The following ELN variants were observed in gnomAD, a reference collection of about 807,000 sequenced individuals.
ELN encodes the protein tropoelastin.
Under a neutral mutation model 105.8 loss-of-function variants are expected in ELN, and 65 were observed. The ratio of observed to expected loss-of-function variants is 0.61; its 90% CI spans 0.50 to 0.75. The LOEUF is 0.75. Ranked by LOEUF, ELN falls within the 30% of genes least tolerant of loss-of-function variation. The pLI is 0.00. For synonymous variants in ELN, 368 were observed against 389.2 expected, an observed-to-expected ratio of 0.95 and a Z score of 0.64; for missense variants, 882 against 969.4, an observed-to-expected ratio of 0.91 and a Z score of 1.20.
intron 12 of ELN, among the ~76,000 whole-genome samples, chr7:74,047,018 A>T (rs782331491): frequency 5.3e-5 from 8 of 152,180 alleles, no homozygotes; most frequent in Non-Finnish European, 8.8e-5. Context: ...CAGAAGGCAG[A>T]GGTTGCAGTG....
chr7:74,045,351 C>T, intron 10 of ELN, 58 bp downstream of exon 10: 1 of 1,599,028 alleles, frequency 6.3e-7, no homozygotes, highest in Non-Finnish European at 8.5e-7. Flanking sequence ...ACCTTCTGGC[C>T]CCGGGTGTGA....
At position 74,056,423 on chromosome 7, in the gene ELN, G is replaced by A. The variant is rs782258150; in HGVS notation, c.1303G>A (p.Val435Ile). 2.0e-5 allele frequency: 32 copies of A among 1,613,704 alleles called. No individual in the cohort carries two copies. Among genetic ancestry groups the A allele is most frequent in the Non-Finnish European group, 2.7e-5 (32 of 1,179,830 alleles). Residue 435 changes from valine (V) to isoleucine (I), a missense_variant, in exon 20 of 33, where the codon GTT (valine) becomes ATT (isoleucine). Val to Ile is a conservative substitution (Grantham distance 29). Coordinates refer to ENST00000252034, the MANE Select transcript of ELN (RefSeq NM_000501.4). ...TCCCGGAGTCGGAGGTGTCCCGGGA[G>A]TTGGCATTTCCCGTGAGCCTTAGTC... ...GVPGVGGVPGVGISPEAQAAA... is the reference protein window; with the variant it reads ...GVPGVGGVPGIGISPEAQAAA...
intron 8 of ELN, chr7:74,043,625 C>T (rs1333430785): frequency 1.7e-5 from 11 of 638,100 alleles, no homozygotes; most frequent in Non-Finnish European, 2.8e-5. Context: ...AGCTGTTAGC[C>T]AGAGGTGGGC....
In ELN at chr7:74,057,701, G is replaced by GTCCCCCT. The variant is rs1554681197; in HGVS notation, c.1414+6_1414+12dup. 6.2e-7 allele frequency: 1 copy of GTCCCCCT among 1,613,016 alleles called. No homozygotes were observed. The highest frequency in any genetic ancestry group is 1.7e-5 in the Admixed American group (1 of 60,002). ...CCGCCAAAGCCGCCCAGTTTGGTAA[G>GTCCCCCT]TCCCCCTCACCCCCGCCACTGGCTC... On this transcript the variant is annotated splice_donor_region_variant and intron_variant, in intron 22 of 32. Coordinates refer to ENST00000252034, the MANE Select transcript of ELN (RefSeq NM_000501.4).
At position 74,052,946 on chromosome 7, in the gene ELN, A is replaced by C. The variant is rs185990303; in HGVS notation, c.950-217A>C. The C allele has an allele frequency of 2.0e-5, 12 of 608,634 alleles. No individual in the cohort carries two copies. In the Admixed American group the frequency reaches 3.5e-4, roughly 18 times the overall value. 37.7% of individuals were successfully genotyped at this position (608,634 alleles called of 1,614,324 possible). On this transcript the variant is annotated intron_variant, in intron 17 of 32. Coordinates refer to ENST00000252034, the MANE Select transcript of ELN (RefSeq NM_000501.4). Reference sequence around the variant, plus strand: ...AAAAGAAAAGAAAAAGAAAGAGATCACATTCCTCCAGCTCACTGATTCAAA... The same window carrying C: ...AAAAGAAAAGAAAAAGAAAGAGATCCCATTCCTCCAGCTCACTGATTCAAA...
chr7:74,068,549 T>C, intron 32 of ELN, 108 bp from the exon 33 acceptor site: 1 of 1,407,080 alleles, frequency 7.1e-7, no homozygotes, highest in Non-Finnish European at 1.0e-6. Context: ...TGACTTGGCT[T>C]CTCTTGGCTT....
intron 26 of ELN, among the ~76,000 whole-genome samples, chr7:74,061,858 T>G (rs1191359640): frequency 2.0e-5 from 3 of 152,178 alleles, no homozygotes; most frequent in Non-Finnish European, 4.4e-5. Flanking sequence ...ATGGTCCCTG[T>G]GTCCAGGAAG....
rs559531493 is a variant in ELN at position 74,048,470 on chromosome 7, T to C, written c.746-33T>C. On this transcript the variant is annotated intron_variant, in intron 14 of 32. Transcript: ENST00000252034. ...GCTCTGGAGATACAGGAGCACTGTTTCAAGGTCTCTCCCCTCTGCTTCCTT... is the reference window on the plus strand; with the variant it reads ...GCTCTGGAGATACAGGAGCACTGTTCCAAGGTCTCTCCCCTCTGCTTCCTT... 1.9e-6 allele frequency: 3 copies of C among 1,613,978 alleles called. No homozygotes were observed. In the Admixed American group the frequency reaches 5.0e-5, roughly 27 times the overall value.
intron 2 of ELN, among the ~76,000 whole-genome samples, chr7:74,035,913 T>C (rs1554665317): frequency 2.0e-5 from 3 of 151,620 alleles, no homozygotes; most frequent in Admixed American, 6.6e-5. Flanking sequence ...CACTGAAGTC[T>C]GGGTGACAGA....
rs200079889 is a variant in ELN, at chr7:74,063,753, GGAGACAGAGACA to G, written c.1993+70_1993+81del. 56 of 1,607,998 alleles carry G rather than the reference GGAGACAGAGACA, an allele frequency of 3.5e-5. No individual in the cohort carries two copies. Among genetic ancestry groups the G allele is most frequent in the Non-Finnish European group, 4.6e-5 (54 of 1,174,832 alleles). On this transcript the variant is annotated intron_variant, in intron 29 of 32. Coordinates refer to ENST00000252034, the MANE Select transcript of ELN (RefSeq NM_000501.4). This position sits in a 1 kb window ranked among gnomAD's most constrained non-coding sequence, Gnocchi z 4.1. The stretch of plus-strand genomic sequence containing the variant: ...TGGTGTGTGTATGCGAGACAGAGAT[GGAGACAGAGACA>G]GAGACAGAGACTTTCGTTCCCACCC...
At chr7:74,029,896 G>A (rs1367381514) in intron 1 of ELN, among the ~76,000 whole-genome samples, 24 of 152,202 alleles carry the variant, frequency 1.6e-4, no homozygotes, top group Admixed American at 1.5e-3. Flanking sequence ...AGTCCCCGGG[G>A]GTTAGTATCA....
rs564654472 is a variant in ELN at position 74,043,340 on chromosome 7, G to A, written c.427+172G>A. 17 of 1,021,818 alleles carry A rather than the reference G, an allele frequency of 1.7e-5. No individual in the cohort carries two copies. The African/African-American group carries it at 2.2e-4, about 13-fold the overall frequency. The allele number at this position is 1,021,818 out of a possible 1,614,324, so 63.3% of individuals were successfully genotyped here. ...CCTGCGTCTGTGAAATGGGGAGGAG[G>A]GGCCTGGCCCACTTCCCGGGCCCTT... On this transcript the variant is annotated intron_variant, in intron 8 of 32. Transcript: ENST00000252034.
rs377098624 is a variant in ELN, at chr7:74,056,304, C to T, written c.1184C>T (p.Pro395Leu). 7 of 1,612,658 alleles carry T rather than the reference C, an allele frequency of 4.3e-6. No individual in the cohort carries two copies. The highest frequency in any genetic ancestry group is 5.1e-6 in the Non-Finnish European group (6 of 1,178,890). Residue 395 changes from proline (P) to leucine (L), a missense_variant, in exon 20 of 33, where the codon CCT becomes CTT. Physicochemically the swap from Pro to Leu is moderately conservative, Grantham distance 98 (BLOSUM62 -3). Coordinates refer to ENST00000252034, the MANE Select transcript of ELN (RefSeq NM_000501.4). Reference protein sequence around the residue: ...ARPGVGVGGIPTYGVGAGGFP... With the variant: ...ARPGVGVGGILTYGVGAGGFP... Reference sequence around the variant, plus strand: ...CCCGGAGTCGGAGTTGGAGGCATTCCTACTTACGGGGTTGGAGCTGGGGGC... The same window carrying T: ...CCCGGAGTCGGAGTTGGAGGCATTCTTACTTACGGGGTTGGAGCTGGGGGC...
intron 9 of ELN, among the ~76,000 whole-genome samples, chr7:74,044,564 T>A (rs1467406978): frequency 1.3e-5 from 2 of 152,164 alleles, no homozygotes; most frequent in Non-Finnish European, 2.9e-5. Flanking sequence ...GGCCACCCAA[T>A]GAGTCTGCCC....
chr7:74,042,503 G>A (rs1258482898), intron 5 of ELN, 111 bp from the exon 6 acceptor site: 11 of 863,220 alleles, frequency 1.3e-5, no homozygotes, highest in African/African-American at 5.0e-5. Flanking sequence ...GGCAGAGAGC[G>A]GAAGAGCCTC....
chr7:74,041,195 G>A, intron 4 of ELN, 21 bp from the exon 5 acceptor site: 1 of 1,613,978 alleles, frequency 6.2e-7, no homozygotes, highest in South Asian at 1.1e-5. Flanking sequence ...CTACACTCCT[G>A]TCTCTGTTTC....
chr7:74,041,670 G>A (rs1218569770), intron 5 of ELN, among the ~76,000 whole-genome samples: 1 of 152,052 alleles, frequency 6.6e-6, no homozygotes, highest in Non-Finnish European at 1.5e-5. Flanking sequence ...TCATGTCACT[G>A]CACTCCAGCC....
chr7:74,045,087 C>A, intron 9 of ELN, 135 bp from the exon 10 acceptor site: 2 of 943,854 alleles, frequency 2.1e-6, no homozygotes, highest in Non-Finnish European at 1.7e-6. Flanking sequence ...CCTTTCTCCA[C>A]CCACCCCGTG....
chr7:74,028,519 C>T (rs1020063862), intron 1 of ELN, among the ~76,000 whole-genome samples: 5 of 152,310 alleles, frequency 3.3e-5, no homozygotes, highest in South Asian at 2.1e-4. Context: ...TGCTGCCCTG[C>T]GAGGGCTGAG....
Sources: allele counts gnomAD v4.1 joint callset (sites outside exome capture counted in the v4.1 genomes callset), GRCh38; gene constraint gnomAD v4.1.1; non-coding constraint Gnocchi (gnomAD v3.1); transcripts MANE v1.5; gene names NCBI Gene and HGNC (gene_info 2026-07-23, HGNC 2026-07-21).